Variants in MAGI3 observed in about 807,000 individuals in gnomAD.
The protein encoded by MAGI3 is membrane associated guanylate kinase, WW and PDZ domain containing 3.
In MAGI3, 43 loss-of-function variants were observed where a neutral mutation model predicts 121.8. The ratio of observed to expected loss-of-function variants is 0.35; its 90% confidence interval spans 0.28 to 0.46. The LOEUF is 0.46. Ranked by LOEUF, MAGI3 falls within the 20% of genes least tolerant of loss-of-function variation. The pLI is 1.00. For missense variants in MAGI3, 1,547 were observed against 1,797.3 expected (o/e 0.86, Z 2.52); for synonymous variants, 553 against 639.3 (o/e 0.86, Z 2.04).
chr1:113,678,989 C>A (rs1648042875), intron 19 of MAGI3, among the ~76,000 whole-genome samples: 1 of 152,216 alleles, frequency 6.6e-6, no homozygotes, highest in African/African-American at 2.4e-5. Flanking sequence ...TAAGCTCTTA[C>A]AAATATTTGA....
intron 1 of MAGI3, among the ~76,000 whole-genome samples, chr1:113,534,418 G>C (rs540677012): frequency 2.0e-5 from 3 of 151,896 alleles, no homozygotes; most frequent in African/African-American, 7.3e-5. Context: ...AATCCCTTGC[G>C]GCCTTGCCTT....
chr1:113,416,024 T>TGACACATATTAATTATGTAATG (rs1652291561), intron 1 of MAGI3, among the ~76,000 whole-genome samples: 1 of 138,106 alleles, frequency 7.2e-6, no homozygotes, highest in African/African-American at 2.6e-5. Flanking sequence ...ATTATGTAAT[T>TGACACATATTAATTATGTAATG]AATGACACAT....
At chr1:113,417,954 T>TGG (rs1652539108) in intron 1 of MAGI3, among the ~76,000 whole-genome samples, 1 of 152,170 alleles carries the variant, frequency 6.6e-6, no homozygotes, top group Admixed American at 6.5e-5. Context: ...ATTACCAAGT[T>TGG]TTATCAGTTT....
At chr1:113,576,943 A>G (rs1647686063) in intron 2 of MAGI3, 1 of 152,226 alleles carries the variant, frequency 6.6e-6, no homozygotes, top group South Asian at 2.1e-4. Flanking sequence ...TATAAGCCTC[A>G]TGACAAGTAT....
chr1:113,669,333 T>C (rs1647384174), intron 16 of MAGI3, among the ~76,000 whole-genome samples: 1 of 151,928 alleles, frequency 6.6e-6, no homozygotes, highest in South Asian at 2.1e-4. Context: ...GAGTTCAGAG[T>C]CTAGTAGGAG....
At chr1:113,412,540 T>G (rs1361166455) in intron 1 of MAGI3, among the ~76,000 whole-genome samples, 1 of 152,128 alleles carries the variant, frequency 6.6e-6, no homozygotes, top group African/African-American at 2.4e-5. Context: ...ACCTGTTGTT[T>G]CCTGCCTTTT....
intron 1 of MAGI3, among the ~76,000 whole-genome samples, chr1:113,428,053 G>C (rs1177398020): frequency 6.6e-6 from 1 of 151,924 alleles, no homozygotes; most frequent in Non-Finnish European, 1.5e-5. Flanking sequence ...TCCATTTTTT[G>C]TGCTTTCTCT....
chr1:113,663,414 C>T (rs76231474), intron 16 of MAGI3, among the ~76,000 whole-genome samples: 3,527 of 152,048 alleles, frequency 0.023, 143 homozygotes, highest in African/African-American at 0.08. Flanking sequence ...CACTTTCTGT[C>T]TCTGTGGATT....
chr1:113,635,958 G>A (rs367633917), intron 9 of MAGI3, among the ~76,000 whole-genome samples: 27 of 152,004 alleles, frequency 1.8e-4, no homozygotes, highest in Admixed American at 3.3e-4. Flanking sequence ...GTCTTGGGAG[G>A]GTGTATGTGT....
Position 113,614,232 on chromosome 1 carries a change from A to C in MAGI3, c.1019-369A>C, listed in dbSNP as rs1395983588. On this transcript the variant is annotated intron_variant, in intron 6 of 20. Coordinates refer to ENST00000307546, the MANE Select transcript of MAGI3 (RefSeq NM_001142782.2). ...TCAAAAATGACTATGTATAATAGTA[A>C]AAAATTGAACAGATACCTGCTTCTT... Among the ~76,000 whole-genome samples the C allele has an allele frequency of 4.6e-5, 7 of 152,290 alleles. No individual in the cohort carries two copies. The East Asian group carries it at 1.3e-3, about 29-fold the overall frequency.
At position 113,422,151 on chromosome 1, in the gene MAGI3, A is replaced by G. The variant is rs1346774027; in HGVS notation, c.316+30802A>G. ...TATTGAGCTAACTAAATTCACATGT[A>G]GTTATAAGAAATAATAGAGATCTTG... On this transcript the variant is annotated intron_variant, in intron 1 of 20. Coordinates refer to ENST00000307546, the MANE Select transcript of MAGI3 (RefSeq NM_001142782.2). The surrounding 1 kb of genome is among the most constrained non-coding windows in gnomAD (Gnocchi z 4.3). 6.6e-6 allele frequency among the ~76,000 whole-genome samples: 1 copy of G among 152,200 alleles called. No individual in the cohort carries two copies. Among genetic ancestry groups the G allele is most frequent in the Admixed American group, 6.5e-5 (1 of 15,286 alleles).
chr1:113,633,371 C>A, intron 9 of MAGI3, among the ~76,000 whole-genome samples: 1 of 145,794 alleles, frequency 6.9e-6, no homozygotes, highest in Non-Finnish European at 1.5e-5. Flanking sequence ...ACGCCATTCT[C>A]CTGCCTCAGC....
At chr1:113,663,235 AATAT>A (rs3081634) in intron 16 of MAGI3, among the ~76,000 whole-genome samples, 1 of 144,032 alleles carries the variant, frequency 6.9e-6, no homozygotes. Flanking sequence ...CAAAAACAGA[AATAT>A]ATATATATAT....
rs186415807 is a variant in MAGI3 at position 113,668,335 on chromosome 1, C to T, written c.2816-3399C>T. ...TAATTCTCATCGAAGGAGAGATATA[C>T]TTAACCCATTGCTTTACTATTTTAA... On this transcript the variant is annotated intron_variant, in intron 16 of 20. Coordinates refer to ENST00000307546, the MANE Select transcript of MAGI3 (RefSeq NM_001142782.2). 2.0e-5 allele frequency among the ~76,000 whole-genome samples: 3 copies of T among 152,240 alleles called. No individual in the cohort carries two copies. The East Asian group carries it at 5.8e-4, about 29-fold the overall frequency.
chr1:113,435,476 T>C (rs1410383557), intron 1 of MAGI3, among the ~76,000 whole-genome samples: 5 of 152,164 alleles, frequency 3.3e-5, no homozygotes, highest in African/African-American at 7.2e-5. Context: ...TGAAGTGTTT[T>C]GAAAAATGAA....
In MAGI3 at chr1:113,590,467, G is replaced by A. The variant is rs533113350; in HGVS notation, c.764-17G>A. 5.6e-6 allele frequency: 9 copies of A among 1,612,994 alleles called. No homozygotes were observed. In the South Asian group the frequency reaches 9.9e-5, roughly 18 times the overall value. ...CTTTACCCACTTTTCACACCTTTCT[G>A]TTTTGAACAATGGCAGAAAACAGAG... On this transcript the variant is annotated splice_polypyrimidine_tract_variant and intron_variant, in intron 4 of 20. Coordinates refer to ENST00000307546, the MANE Select transcript of MAGI3 (RefSeq NM_001142782.2).
chr1:113,418,596 T>C (rs1037979371), intron 1 of MAGI3, among the ~76,000 whole-genome samples: 13 of 152,182 alleles, frequency 8.5e-5, no homozygotes, highest in Non-Finnish European at 1.6e-4. Flanking sequence ...TCTTTCTCTT[T>C]TTTTAATTTA....
intron 1 of MAGI3, among the ~76,000 whole-genome samples, chr1:113,494,270 C>T (rs1027952481): frequency 1.3e-5 from 2 of 152,094 alleles, no homozygotes; most frequent in African/African-American, 4.8e-5. Flanking sequence ...AACAGAAAAC[C>T]AAATACCACA....
intron 1 of MAGI3, among the ~76,000 whole-genome samples, chr1:113,493,127 C>G (rs1448648635): frequency 6.6e-6 from 1 of 152,120 alleles, no homozygotes; most frequent in African/African-American, 2.4e-5. Context: ...ATTATGCTAC[C>G]TGACTTAAAA....
Sources: allele counts gnomAD v4.1 joint callset (sites outside exome capture counted in the v4.1 genomes callset), GRCh38; gene constraint gnomAD v4.1.1; non-coding constraint Gnocchi (gnomAD v3.1); transcripts MANE v1.5; gene names NCBI Gene and HGNC (gene_info 2026-07-23, HGNC 2026-07-21).